The following LPIN1 variants were observed in gnomAD, a reference collection of about 807,000 sequenced individuals.
LPIN1 encodes the protein phosphatidate phosphatase LPIN1.
LPIN1 carries 71 observed loss-of-function variants against 107.5 expected under a neutral mutation model. That is an observed-to-expected ratio of 0.66 (90% CI 0.55 to 0.80). The LOEUF (loss-of-function observed/expected upper bound fraction) is 0.80, where lower values mean the gene tolerates loss of function less well. Ranked by LOEUF, LPIN1 falls within the 30% of genes least tolerant of loss-of-function variation. LPIN1 has a pLI of 0.00. For missense variants in LPIN1, 1,043 were observed against 1,160.6 expected (o/e 0.90, Z 1.47); for synonymous variants, 445 against 452.6 (o/e 0.98, Z 0.21).
intron 1 of LPIN1, among the ~76,000 whole-genome samples, chr2:11,760,517 C>CA (rs1417020820): frequency 6.6e-6 from 1 of 152,190 alleles, no homozygotes; most frequent in Non-Finnish European, 1.5e-5. Flanking sequence ...CCGTCTCCAC[C>CA]AAAAAATACG....
chr2:11,714,781 C>A (rs570082953), intron 2 of LPIN1, among the ~76,000 whole-genome samples: 2 of 152,290 alleles, frequency 1.3e-5, no homozygotes, highest in East Asian at 3.9e-4. Context: ...GGCTACGGAA[C>A]AAAAGTAACA....
At chr2:11,775,458 G>A (rs537434482) in intron 5 of LPIN1, among the ~76,000 whole-genome samples, 1 of 152,290 alleles carries the variant, frequency 6.6e-6, no homozygotes, top group South Asian at 2.1e-4. Flanking sequence ...CATGAATGCA[G>A]CATAATGACT....
rs1472652502 is a variant in LPIN1, at chr2:11,767,765, T to A, written c.195T>A (p.Val65=). The A allele has an allele frequency of 6.2e-7, 1 of 1,600,588 alleles. No homozygotes were observed. Among genetic ancestry groups the A allele is most frequent in the African/African-American group, 1.3e-5 (1 of 74,682 alleles). ...MGVLRSREKV[V]DIEINGESVD... Reference sequence around the variant, plus strand: ...TCTTAACCATGTTTTCCCTTCAGGTTGACATAGAAATCAATGGGGAATCTG... The same window carrying A: ...TCTTAACCATGTTTTCCCTTCAGGTAGACATAGAAATCAATGGGGAATCTG... Residue 65 remains valine (V), a splice_region_variant and synonymous_variant, in exon 3 of 21, where the codon GTT becomes GTA. Transcript: ENST00000674199.
intron 19 of LPIN1, among the ~76,000 whole-genome samples, chr2:11,820,175 C>T (rs766150404): frequency 4.6e-5 from 7 of 152,126 alleles, no homozygotes; most frequent in African/African-American, 7.2e-5. Context: ...ATTGCGGGGA[C>T]GTGGTAGGTT....
At chr2:11,795,204 C>T (rs553738607) in intron 13 of LPIN1, among the ~76,000 whole-genome samples, 3 of 152,278 alleles carry the variant, frequency 2.0e-5, no homozygotes, top group East Asian at 1.9e-4. Context: ...TTGGTTTAAT[C>T]GTACACTTCT....
At chr2:11,762,773 C>T (rs1308141682) in intron 1 of LPIN1, among the ~76,000 whole-genome samples, 1 of 152,176 alleles carries the variant, frequency 6.6e-6, no homozygotes, top group Admixed American at 6.5e-5. Flanking sequence ...CATAATATCA[C>T]AGCGCCACTG....
At chr2:11,740,722 A>AAAAGAAAAG (rs1666276644) in intron 1 of LPIN1, among the ~76,000 whole-genome samples, 1 of 148,400 alleles carries the variant, frequency 6.7e-6, no homozygotes, top group African/African-American at 2.5e-5. Flanking sequence ...GAAAGAAAAG[A>AAAAGAAAAG]AAAGAAAGAA....
chr2:11,819,311 C>T (rs7580083), intron 18 of LPIN1, 173 bp from the exon 19 acceptor site: 29 of 598,906 alleles, frequency 4.8e-5, no homozygotes, highest in East Asian at 3.1e-4. Context: ...CTTGAAAGTA[C>T]GGGTTTACTT....
rs1025239985 is a variant in LPIN1 at position 11,826,317 on chromosome 2, C to T, written c.*1526C>T. The T allele has an allele frequency of 5.2e-5, 8 of 152,496 alleles. No homozygotes were observed. Among genetic ancestry groups the T allele is most frequent in the Non-Finnish European group, 1.2e-4 (8 of 68,026 alleles). 9.4% of individuals were successfully genotyped at this position (152,496 alleles called of 1,614,324 possible). A position where few individuals can be genotyped will look rare whatever the true frequency, so the allele number is the denominator to read the frequency against. ...GCCCCGTTAGCATTGGATGCCTTTG[C>T]CAAATGGTTCATGTGGACACACAAA... On this transcript the variant is annotated 3_prime_UTR_variant, in exon 21 of 21. Coordinates refer to ENST00000674199, the MANE Select transcript of LPIN1 (RefSeq NM_001349206.2).
At position 11,803,320 on chromosome 2, in the gene LPIN1, T is replaced by A. The variant is rs887632980; in HGVS notation, c.2013+287T>A. Among the ~76,000 whole-genome samples, 7 of 152,234 alleles carry A rather than the reference T, an allele frequency of 4.6e-5. No homozygotes were observed. Among genetic ancestry groups the A allele is most frequent in the Admixed American group, 2.0e-4 (3 of 15,302 alleles). ...GCAGCCTGGCGGAGCTAATTCGTCC[T>A]AAGGTGTCAATCACAGATAGACTTG... On this transcript the variant is annotated intron_variant, in intron 15 of 20. Transcript: ENST00000674199. This position sits in a 1 kb window ranked among gnomAD's most constrained non-coding sequence, Gnocchi z 4.2.
At chr2:11,758,762 G>A (rs576083917) in intron 1 of LPIN1, among the ~76,000 whole-genome samples, 1 of 152,352 alleles carries the variant, frequency 6.6e-6, no homozygotes, top group South Asian at 2.1e-4. Context: ...TTTGCGGTAG[G>A]AAAATACTCC....
chr2:11,726,816 T>C (rs1417145355), intron 1 of LPIN1, among the ~76,000 whole-genome samples: 3 of 152,222 alleles, frequency 2.0e-5, no homozygotes, highest in Non-Finnish European at 2.9e-5. Flanking sequence ...TCCTCCAAGC[T>C]GTGACAGTTC....
rs1376214045 is a variant in LPIN1 at position 11,771,006 on chromosome 2, T to A, written c.289-366T>A. ...ATCTACACAGAAGTGCAAGAGTGCA[T>A]CCAATTCCCAGCATAATATGGTGAG... On this transcript the variant is annotated intron_variant, in intron 3 of 20. Coordinates refer to ENST00000674199, the MANE Select transcript of LPIN1 (RefSeq NM_001349206.2). The surrounding 1 kb of genome is among the most constrained non-coding windows in gnomAD (Gnocchi z 4.8). Among the ~76,000 whole-genome samples, 1 of 152,202 alleles carries A rather than the reference T, an allele frequency of 6.6e-6. No individual in the cohort carries two copies. Among genetic ancestry groups the A allele is most frequent in the African/African-American group, 2.4e-5 (1 of 41,444 alleles).
intron 1 of LPIN1, among the ~76,000 whole-genome samples, chr2:11,747,388 T>G (rs1335617838): frequency 6.6e-6 from 1 of 152,188 alleles, no homozygotes; most frequent in Non-Finnish European, 1.5e-5. Context: ...TGGGAGTAAC[T>G]TAAGTGCTGT....
rs1246871583 is a variant in LPIN1 at position 11,782,308 on chromosome 2, T to G, written c.1065T>G (p.Ser355Arg). 6.2e-7 allele frequency: 1 copy of G among 1,614,214 alleles called. No homozygotes were observed. The highest frequency in any genetic ancestry group is 1.7e-5 in the Admixed American group (1 of 60,024). ...ACAGCGAATCTTCAGACACTTTTAG[T>G]GACCAATCGCCAACTCTGGTCGGTG... The part of the protein sequence containing the change: ...AIHSESSDTF[S>R]DQSPTLVGGA... Residue 355 changes from serine to arginine, a missense_variant, in exon 8 of 21, where the codon AGT (serine) becomes AGG (arginine). Coordinates refer to ENST00000674199, the MANE Select transcript of LPIN1 (RefSeq NM_001349206.2).
In LPIN1 at chr2:11,826,136, T is replaced by A. The variant is rs1256701926; in HGVS notation, c.*1345T>A. The A allele has an allele frequency of 1.3e-5, 2 of 152,680 alleles. No homozygotes were observed. The highest frequency in any genetic ancestry group is 2.9e-5 in the Non-Finnish European group (2 of 68,050). The allele number at this position is 152,680 out of a possible 1,614,324, so 9.5% of individuals were successfully genotyped here. On this transcript the variant is annotated 3_prime_UTR_variant, in exon 21 of 21. Coordinates refer to ENST00000674199, the MANE Select transcript of LPIN1 (RefSeq NM_001349206.2). ...TTGCTTTACTTTTCGAAGCATTATTTTTTTAAAGAGTGTTTTACTCCAACG... is the reference window on the plus strand; with the variant it reads ...TTGCTTTACTTTTCGAAGCATTATTATTTTAAAGAGTGTTTTACTCCAACG...
chr2:11,751,258 A>G (rs1017184789), intron 1 of LPIN1, among the ~76,000 whole-genome samples: 1 of 149,936 alleles, frequency 6.7e-6, no homozygotes, highest in African/African-American at 2.5e-5. Context: ...ACCCCTGTCC[A>G]GCACCCTGTC....
At chr2:11,726,977 G>A (rs1037816670) in intron 1 of LPIN1, among the ~76,000 whole-genome samples, 1 of 152,232 alleles carries the variant, frequency 6.6e-6, no homozygotes, top group Admixed American at 6.5e-5. Flanking sequence ...GCCCTTTTCA[G>A]TGCCTGTTGG....
intron 13 of LPIN1, chr2:11,792,335 T>C (rs953601355): frequency 2.3e-5 from 6 of 257,672 alleles, no homozygotes; most frequent in African/African-American, 1.3e-4. Context: ...TTAAATATCT[T>C]CCTTCTGCTT....
Sources: allele counts gnomAD v4.1 joint callset (sites outside exome capture counted in the v4.1 genomes callset), GRCh38; gene constraint gnomAD v4.1.1; non-coding constraint Gnocchi (gnomAD v3.1); transcripts MANE v1.5; gene names NCBI Gene and HGNC (gene_info 2026-07-23, HGNC 2026-07-21).